GLDC: variants seen among roughly 807,000 people sequenced by gnomAD.
GLDC encodes glycine dehydrogenase (decarboxylating), mitochondrial.
Under a neutral mutation model 121.3 loss-of-function variants are expected in GLDC, and 104 were observed. The observed-to-expected ratio is 0.86, with a 90% CI of 0.73 to 1.01. The LOEUF (loss-of-function observed/expected upper bound fraction) is 1.01, where lower values mean the gene tolerates loss of function less well. Among genes scored for constraint, GLDC ranks in the 50% least tolerant of loss-of-function variants. The pLI is 0.00. For synonymous variants in GLDC, 546 were observed against 480.6 expected (o/e 1.14, Z -1.78); for missense variants, 1,429 against 1,306.6 (o/e 1.09, Z -1.44).
intron 20 of GLDC, among the ~76,000 whole-genome samples, chr9:6,551,195 C>A (rs184711833): frequency 6.6e-6 from 1 of 152,316 alleles, no homozygotes; most frequent in East Asian, 1.9e-4. Flanking sequence ...ACTGTGTTAT[C>A]TAAAGAGAGA....
chr9:6,629,951 ATATATAT>A (rs1563870199), intron 2 of GLDC, among the ~76,000 whole-genome samples: 5 of 74,204 alleles, frequency 6.7e-5, no homozygotes, highest in African/African-American at 4.4e-4. Context: ...ATATGTATAT[ATATATAT>A]TTTTTTTTTT....
chr9:6,589,684 C>A (rs1026696410), intron 11 of GLDC, among the ~76,000 whole-genome samples: 11 of 152,138 alleles, frequency 7.2e-5, no homozygotes, highest in Non-Finnish European at 1.0e-4. Flanking sequence ...GCCTTGGCTT[C>A]CCAAAGTGCT....
chr9:6,644,815 AG>A (rs1332335470), intron 1 of GLDC, 123 bp from the exon 2 acceptor site: 3 of 729,472 alleles, frequency 4.1e-6, no homozygotes, highest in African/African-American at 3.5e-5. Context: ...TCTTTTTAAA[AG>A]AAAAGGAAAA....
At chr9:6,644,050 A>AAC (rs55988287) in intron 2 of GLDC, among the ~76,000 whole-genome samples, 3 of 92,732 alleles carry the variant, frequency 3.2e-5, no homozygotes, top group African/African-American at 4.8e-5. Context: ...AAAAAAAAAA[A>AAC]CGAAAAAAAA....
chr9:6,576,090 T>C (rs1379276180), intron 15 of GLDC, among the ~76,000 whole-genome samples: 1 of 152,212 alleles, frequency 6.6e-6, no homozygotes. Flanking sequence ...CAGTGAAGGC[T>C]TGGCTACATC....
intron 15 of GLDC, 112 bp downstream of exon 15, chr9:6,587,029 C>T (rs1587946100): frequency 1.1e-6 from 1 of 872,836 alleles, no homozygotes; most frequent in African/African-American, 1.6e-5. Flanking sequence ...GTGGAACTGT[C>T]TAGCAAGTCA....
intron 23 of GLDC, among the ~76,000 whole-genome samples, chr9:6,535,613 T>C (rs1373123064): frequency 1.3e-5 from 2 of 152,124 alleles, no homozygotes. Context: ...AATTAACATG[T>C]TTTGGAAGCG....
chr9:6,566,739 T>G (rs1365432993), intron 15 of GLDC, among the ~76,000 whole-genome samples: 1 of 152,104 alleles, frequency 6.6e-6, no homozygotes, highest in African/African-American at 2.4e-5. Flanking sequence ...TCTGCGAAGC[T>G]GAAGGCAAAA....
intron 8 of GLDC, among the ~76,000 whole-genome samples, chr9:6,599,640 G>A (rs1188328571): frequency 1.3e-5 from 2 of 149,628 alleles, no homozygotes; most frequent in Non-Finnish European, 3.0e-5. Flanking sequence ...AGAATCGCTG[G>A]AAACTGGAAG....
At chr9:6,578,781 C>A (rs1277597004) in intron 15 of GLDC, among the ~76,000 whole-genome samples, 1 of 152,172 alleles carries the variant, frequency 6.6e-6, no homozygotes, top group Non-Finnish European at 1.5e-5. Context: ...GATCCTCCTG[C>A]CTCAGCCTCC....
At chr9:6,590,377 C>T (rs575860719) in intron 11 of GLDC, among the ~76,000 whole-genome samples, 2 of 152,258 alleles carry the variant, frequency 1.3e-5, no homozygotes, top group African/African-American at 4.8e-5. Context: ...TACTTGTCCC[C>T]TCCAGATCTC....
intron 2 of GLDC, among the ~76,000 whole-genome samples, chr9:6,644,050 A>AAAAAAAAAC (rs55988287): frequency 0.016 from 1,526 of 92,650 alleles, 225 homozygotes; most frequent in African/African-American, 0.057. Context: ...AAAAAAAAAA[A>AAAAAAAAAC]CGAAAAAAAA....
chr9:6,557,743 T>C (rs1335986547), intron 17 of GLDC: 2 of 152,252 alleles, frequency 1.3e-5, no homozygotes, highest in Admixed American at 6.5e-5. Flanking sequence ...CCCTGTTTGT[T>C]TTCCTGGCCA....
intron 2 of GLDC, among the ~76,000 whole-genome samples, chr9:6,634,267 T>G (rs1474412865): frequency 6.6e-6 from 1 of 151,998 alleles, no homozygotes; most frequent in East Asian, 1.9e-4. Context: ...ATGAGTCTCA[T>G]GCCTCTAATT....
chr9:6,560,256 G>C (rs143169774), intron 16 of GLDC, among the ~76,000 whole-genome samples: 1 of 152,152 alleles, frequency 6.6e-6, no homozygotes, highest in Admixed American at 6.5e-5. Flanking sequence ...GGGCATTATT[G>C]AAAATAGGCT....
At chr9:6,614,971 G>A (rs1470663504) in intron 3 of GLDC, among the ~76,000 whole-genome samples, 1 of 152,150 alleles carries the variant, frequency 6.6e-6, no homozygotes, top group Non-Finnish European at 1.5e-5. Flanking sequence ...TAAAAATACA[G>A]AATTACAATT....
At chr9:6,602,656 T>G (rs900219086) in intron 7 of GLDC, among the ~76,000 whole-genome samples, 3 of 151,872 alleles carry the variant, frequency 2.0e-5, no homozygotes, top group African/African-American at 4.8e-5. Flanking sequence ...CCCAGCAGGA[T>G]TACTGATTTT....
At chr9:6,535,815 C>A in intron 23 of GLDC, 1 of 526,612 alleles carries the variant, frequency 1.9e-6, no homozygotes, top group South Asian at 2.1e-5. Flanking sequence ...AACAGAGATG[C>A]AGAATGTTAC....
intron 15 of GLDC, among the ~76,000 whole-genome samples, chr9:6,579,585 C>G (rs1818136234): frequency 6.6e-6 from 1 of 152,076 alleles, no homozygotes; most frequent in Non-Finnish European, 1.5e-5. Context: ...TCTCAAACTC[C>G]TGGCCTTACG....
Sources: allele counts gnomAD v4.1 joint callset (sites outside exome capture counted in the v4.1 genomes callset), GRCh38; gene constraint gnomAD v4.1.1; transcripts MANE v1.5; gene names NCBI Gene and HGNC (gene_info 2026-07-23, HGNC 2026-07-21).